Variants in CNOT1 observed in about 807,000 individuals in gnomAD.
The protein encoded by CNOT1 is CCR4-associated factor 1.
In CNOT1, 15 loss-of-function variants were observed where a neutral mutation model predicts 273.8. The ratio of observed to expected loss-of-function variants is 0.05; its 90% CI spans 0.04 to 0.08. The LOEUF is 0.08. CNOT1 is among the 10% of genes least tolerant of loss of function. The probability of loss-of-function intolerance (pLI) is 1.00; values close to 1 mark genes in which losing one functional copy is unlikely to be tolerated. For synonymous variants in CNOT1, 1,022 were observed against 1,005.5 expected, an observed-to-expected ratio of 1.02 and a Z score of -0.31; for missense variants, 1,644 against 2,912.2, an observed-to-expected ratio of 0.56 and a Z score of 10.02.
rs1327289925 is a variant in CNOT1 at position 58,587,220 on chromosome 16, G to A, written c.414C>T (p.Ser138=). Residue 138 remains serine, a synonymous_variant, in exon 6 of 49, where the codon AGC becomes AGT. Coordinates refer to ENST00000317147, the MANE Select transcript of CNOT1 (RefSeq NM_016284.5). ...IFGLALLNSS[S]SDLRGFAAQF... is the part of the protein sequence containing the mutation. The stretch of plus-strand genomic sequence containing the variant: ...ACTCACCGAAACCTCTAAGATCTGA[G>A]CTGGAAGAATTCAACAGGGCAAGGC... The A allele has an allele frequency of 1.2e-6, 2 of 1,613,678 alleles. No homozygotes were observed. The highest frequency in any genetic ancestry group is 1.7e-6 in the Non-Finnish European group (2 of 1,179,886).
At position 58,575,134 on chromosome 16, in the gene CNOT1, A is replaced by C. The variant is rs1477286860; in HGVS notation, c.1705-5T>G. The C allele has an allele frequency of 6.2e-7, 1 of 1,611,842 alleles. No homozygotes were observed. The highest frequency in any genetic ancestry group is 8.5e-7 in the Non-Finnish European group (1 of 1,179,556). ...ATTTAGCAGCATTGACAAGGCCTAA[A>C]GGACAAAGCACATTAGATAATGCAA... On this transcript the variant is annotated splice_polypyrimidine_tract_variant and splice_region_variant and intron_variant, in intron 14 of 48. Coordinates refer to ENST00000317147, the MANE Select transcript of CNOT1 (RefSeq NM_016284.5).
intron 1 of CNOT1, among the ~76,000 whole-genome samples, chr16:58,603,407 AAGTGTGTGTGTGTG>A (rs1231253605): frequency 4.6e-4 from 58 of 126,374 alleles, no homozygotes; most frequent in Middle Eastern, 3.9e-3. Flanking sequence ...TACAATTTAA[AAGTGTGTGTGTGTG>A]TGTGTGTGTG....
At chr16:58,542,970 G>A (rs1032665920) in intron 31 of CNOT1, among the ~76,000 whole-genome samples, 4 of 152,116 alleles carry the variant, frequency 2.6e-5, no homozygotes, top group African/African-American at 9.7e-5. Flanking sequence ...GCACATGCCT[G>A]TAATCCCAGC....
intron 43 of CNOT1, among the ~76,000 whole-genome samples, chr16:58,529,416 CT>C (rs1170504749): frequency 6.6e-6 from 1 of 151,932 alleles, no homozygotes; most frequent in Non-Finnish European, 1.5e-5. Context: ...CAACAAAGGG[CT>C]TGTATTTAAA....
At chr16:58,580,403 T>C (rs1419135450) in intron 12 of CNOT1, among the ~76,000 whole-genome samples, 1 of 151,806 alleles carries the variant, frequency 6.6e-6, no homozygotes, top group East Asian at 1.9e-4. Flanking sequence ...CTTTCAGATT[T>C]GATGCTTTTA....
At chr16:58,527,349 C>T (rs554768149) in intron 44 of CNOT1, among the ~76,000 whole-genome samples, 6 of 148,814 alleles carry the variant, frequency 4.0e-5, no homozygotes, top group East Asian at 4.0e-4. Context: ...AGTGAAACCC[C>T]GTCACTACTA....
intron 1 of CNOT1, among the ~76,000 whole-genome samples, chr16:58,601,358 A>C (rs761874087): frequency 2.0e-5 from 3 of 152,144 alleles, no homozygotes; most frequent in Non-Finnish European, 4.4e-5. Flanking sequence ...CGGCCTCCCA[A>C]AGTGCTGGGA....
intron 47 of CNOT1, among the ~76,000 whole-genome samples, chr16:58,522,237 C>CAAAAAAA (rs56149974): frequency 8.1e-5 from 8 of 98,594 alleles, no homozygotes; most frequent in East Asian, 5.0e-4. Context: ...GAGACTGTCT[C>CAAAAAAA]AAAAAAAAAA....
intron 1 of CNOT1, among the ~76,000 whole-genome samples, chr16:58,627,851 A>G (rs564440888): frequency 6.6e-6 from 1 of 152,182 alleles, no homozygotes; most frequent in Admixed American, 6.5e-5. Flanking sequence ...TTTTTTTGAG[A>G]CGGAGTCTCC....
intron 1 of CNOT1, among the ~76,000 whole-genome samples, chr16:58,606,424 G>T (rs1334214093): frequency 2.0e-5 from 3 of 152,036 alleles, no homozygotes; most frequent in Non-Finnish European, 4.4e-5. Context: ...CAGCAACTGA[G>T]GGGAACAAAG....
chr16:58,526,097 G>C lies in CNOT1; in HGVS notation c.6495C>G (p.Leu2165=). 1 of 1,614,118 alleles carries C rather than the reference G, an allele frequency of 6.2e-7. No homozygotes were observed. Among genetic ancestry groups the C allele is most frequent in the Non-Finnish European group, 8.5e-7 (1 of 1,179,992 alleles). ...GTGGCATTACTCCAGTGAAATTGGT[G>C]AGAATCCGGGGAGCAATGTTAATTT... is the stretch of plus-strand genomic sequence containing the variant. ...LSEINIAPRI[L]TNFTGVMPPQ... is the part of the protein sequence containing the mutation. Residue 2165 remains leucine, a synonymous_variant, in exon 45 of 49, where the codon CTC becomes CTG. Transcript: ENST00000317147.
chr16:58,557,528 A>AC (rs2040672488), intron 18 of CNOT1, among the ~76,000 whole-genome samples: 1 of 152,226 alleles, frequency 6.6e-6, no homozygotes, highest in Non-Finnish European at 1.5e-5. Flanking sequence ...GATTAGAGTC[A>AC]ATGACAACAT....
intron 15 of CNOT1, 107 bp downstream of exon 15, chr16:58,574,900 A>G: frequency 6.4e-7 from 1 of 1,557,886 alleles, no homozygotes. Context: ...TTTCTTTCAA[A>G]TTTTTCTTTA....
At chr16:58,551,897 TAAA>T (rs2040460350) in intron 22 of CNOT1, 78 bp from the exon 23 acceptor site, 1 of 1,556,090 alleles carries the variant, frequency 6.4e-7, no homozygotes, top group Non-Finnish European at 8.7e-7. Flanking sequence ...TCTGAGAGGG[TAAA>T]AAACATGTCT....
chr16:58,521,442 T>C, intron 47 of CNOT1, 125 bp from the exon 48 acceptor site: 1 of 898,136 alleles, frequency 1.1e-6, no homozygotes. Flanking sequence ...TCACCTTTAG[T>C]AAAGACAGGT....
intron 1 of CNOT1, among the ~76,000 whole-genome samples, chr16:58,627,939 T>C (rs1052622315): frequency 4.6e-5 from 7 of 152,176 alleles, no homozygotes; most frequent in African/African-American, 1.7e-4. Context: ...GCAATTCTCC[T>C]GCCTCAGCCT....
At position 58,525,306 on chromosome 16, in the gene CNOT1, C is replaced by T; in HGVS notation, c.6657G>A (p.Val2219=). The change falls in exon 46 of 49, where the codon GTG becomes GTA. Residue 2219 remains valine (V), a synonymous_variant. Transcript: ENST00000317147. ...CAATGGCCTGAGTCCCGACATAGAG[C>T]ACCAGTGCATTGATGAGCTGGAGGT... The part of the protein sequence containing the change: ...RYNLQLINAL[V]LYVGTQAIAH... The T allele has an allele frequency of 1.2e-6, 2 of 1,613,868 alleles. No homozygotes were observed. The highest frequency in any genetic ancestry group is 1.7e-6 in the Non-Finnish European group (2 of 1,180,036).
intron 39 of CNOT1, among the ~76,000 whole-genome samples, chr16:58,534,938 G>A (rs1002609950): frequency 1.3e-5 from 2 of 152,030 alleles, no homozygotes; most frequent in African/African-American, 2.4e-5. Context: ...ATCTGATCTA[G>A]GTATTTTAAT....
intron 30 of CNOT1, among the ~76,000 whole-genome samples, chr16:58,544,115 T>C (rs1427944307): frequency 2.6e-5 from 4 of 152,222 alleles, no homozygotes; most frequent in Non-Finnish European, 5.9e-5. Flanking sequence ...ATAATAGATA[T>C]GTCTTTTTTT....
Sources: allele counts gnomAD v4.1 joint callset (sites outside exome capture counted in the v4.1 genomes callset), GRCh38; gene constraint gnomAD v4.1.1; transcripts MANE v1.5; gene names NCBI Gene and HGNC (gene_info 2026-07-23, HGNC 2026-07-21).